NAV3: variants seen among roughly 807,000 people sequenced by gnomAD.
NAV3 encodes neuron navigator 3.
Under a neutral mutation model 244.7 loss-of-function variants are expected in NAV3, and 87 were observed. That is an observed-to-expected ratio of 0.36 (90% CI 0.30 to 0.42). The LOEUF (loss-of-function observed/expected upper bound fraction) is 0.42, where lower values mean the gene tolerates loss of function less well. Among genes scored for constraint, NAV3 ranks in the 20% least tolerant of loss-of-function variants. The pLI, the probability that NAV3 is intolerant of heterozygous loss-of-function variation, is 1.00. For synonymous variants in NAV3, 1,126 were observed against 1,042.2 expected, an observed-to-expected ratio of 1.08 and a Z score of -1.55; for missense variants, 2,663 against 2,893.3, an observed-to-expected ratio of 0.92 and a Z score of 1.83.
chr12:77,751,346 T>C (rs566283467), intron 2 of NAV3, among the ~76,000 whole-genome samples: 2 of 152,322 alleles, frequency 1.3e-5, no homozygotes, highest in East Asian at 3.9e-4. Flanking sequence ...TATCTACCTA[T>C]ACACATTGAT....
chr12:78,134,404 CT>C (rs1956289025), intron 18 of NAV3, among the ~76,000 whole-genome samples: 1 of 152,148 alleles, frequency 6.6e-6, no homozygotes, highest in South Asian at 2.1e-4. Context: ...GAAATTCTTT[CT>C]TTAAGAGATC....
rs191789366 is a variant in NAV3, at chr12:77,588,292, T to A, written c.72+16026T>A. On this transcript the variant is annotated intron_variant, in intron 2 of 8. Transcript: ENST00000550042. The stretch of plus-strand genomic sequence containing the variant: ...CCATATCCAGCTGATTTTTTTATTT[T>A]TTTTTTGGTAGAGAAAGGGTCCCAC... Among the ~76,000 whole-genome samples the A allele has an allele frequency of 3.7e-3, 558 of 151,930 alleles. 1 individual carries two copies. Among genetic ancestry groups the A allele is most frequent in the African/African-American group, 0.013 (537 of 41,456 alleles).
intron 24 of NAV3, among the ~76,000 whole-genome samples, chr12:78,169,537 C>T (rs1270460843): frequency 6.6e-6 from 1 of 151,600 alleles, no homozygotes; most frequent in African/African-American, 2.4e-5. Context: ...TACTCATTTC[C>T]TGACACTTTT....
chr12:77,966,231 T>G lies in NAV3; in HGVS notation c.417T>G (p.Ile139Met), dbSNP rs1269136844. 6.2e-7 allele frequency: 1 copy of G among 1,613,592 alleles called. No individual in the cohort carries two copies. The highest frequency in any genetic ancestry group is 2.2e-5 in the East Asian group (1 of 44,762). Reference protein sequence around the residue: ...NGCPRSQSQMIENVDVCLSFL... With the variant: ...NGCPRSQSQMMENVDVCLSFL... ...TTTCACTGCTTTTCATGTTGCAGAT[T>G]GAAAATGTTGATGTCTGCCTTAGTT... Residue 139 changes from isoleucine to methionine, a missense_variant and splice_region_variant, in exon 4 of 40, where the codon ATT (isoleucine) becomes ATG (methionine). By Grantham distance (10) the Ile-to-Met change is conservative (BLOSUM62 1). Coordinates refer to ENST00000397909, the MANE Select transcript of NAV3 (RefSeq NM_001024383.2).
intron 2 of NAV3, among the ~76,000 whole-genome samples, chr12:77,653,730 T>C (rs1374548288): frequency 6.6e-6 from 1 of 152,160 alleles, no homozygotes; most frequent in Middle Eastern, 3.2e-3. Flanking sequence ...TCTGGGTGAA[T>C]ACAACATAAT....
chr12:77,704,493 TAG>T lies in NAV3; in HGVS notation c.72+132229_72+132230del, dbSNP rs1875702664. Among the ~76,000 whole-genome samples, 10 of 152,340 alleles carry T rather than the reference TAG, an allele frequency of 6.6e-5. 1 individual carries two copies. The South Asian group carries it at 2.1e-3, about 32-fold the overall frequency. ...AAAATAGTATTGTGTACGTATGGTC[TAG>T]AAATCTTATGACAATCCAGCAATTG... On this transcript the variant is annotated intron_variant, in intron 2 of 8. Transcript: ENST00000550042.
In NAV3 at chr12:78,168,794, C is replaced by T; in HGVS notation, c.4909C>T (p.Leu1637=). Residue 1637 remains leucine, a synonymous_variant, in exon 24 of 40, where the codon CTG becomes TTG. Transcript: ENST00000397909. ...LIELRETIEM[L]KAQNSAAQAA... ...AGAACTAAGAGAAACCATTGAAATG[C>T]TGAAGGCTCAGAATTCTGCTGCCCA... The T allele has an allele frequency of 6.2e-7, 1 of 1,610,596 alleles. No homozygotes were observed. The highest frequency in any genetic ancestry group is 1.1e-5 in the South Asian group (1 of 90,938).
At chr12:77,822,312 A>G (rs1872777938) in intron 2 of NAV3, among the ~76,000 whole-genome samples, 1 of 152,154 alleles carries the variant, frequency 6.6e-6, no homozygotes, top group Non-Finnish European at 1.5e-5. Context: ...CTGTCTTACT[A>G]TTTAATCCCT....
intron 18 of NAV3, among the ~76,000 whole-genome samples, chr12:78,136,161 A>T (rs1455262055): frequency 6.6e-6 from 1 of 152,222 alleles, no homozygotes; most frequent in Non-Finnish European, 1.5e-5. Context: ...TTTTGAAGTG[A>T]TGTCAGAACA....
chr12:78,188,524 AGCTCTATATCCCT>A, intron 32 of NAV3, 72 bp from the exon 33 acceptor site: 1 of 1,347,482 alleles, frequency 7.4e-7, no homozygotes, highest in African/African-American at 1.5e-5. Flanking sequence ...CTTGACAACT[AGCTCTATATCCCT>A]GTGAGTTATG....
At chr12:77,821,073 A>C (rs1410971351) in intron 2 of NAV3, among the ~76,000 whole-genome samples, 1 of 129,502 alleles carries the variant, frequency 7.7e-6, no homozygotes, top group Non-Finnish European at 1.7e-5. Context: ...ACACATGTAC[A>C]CACACACATG....
chr12:78,087,118 T>G (rs1953677216), intron 12 of NAV3, among the ~76,000 whole-genome samples: 1 of 151,972 alleles, frequency 6.6e-6, no homozygotes, highest in African/African-American at 2.4e-5. Flanking sequence ...AATCCAGACT[T>G]CCATATGAGA....
At chr12:77,976,666 C>CTTTTTTTTT (rs1295751885) in intron 5 of NAV3, among the ~76,000 whole-genome samples, 6 of 58,048 alleles carry the variant, frequency 1.0e-4, no homozygotes, top group African/African-American at 3.9e-4. Flanking sequence ...TTCTTTCTTT[C>CTTTTTTTTT]TTTTTTTCTT....
At chr12:77,758,929 T>C (rs1355963133) in intron 2 of NAV3, among the ~76,000 whole-genome samples, 1 of 152,228 alleles carries the variant, frequency 6.6e-6, no homozygotes, top group Non-Finnish European at 1.5e-5. Flanking sequence ...ATCATTTCAA[T>C]ATGTTCTTAA....
At chr12:77,926,778 T>A (rs1888265528) in intron 1 of NAV3, among the ~76,000 whole-genome samples, 1 of 152,154 alleles carries the variant, frequency 6.6e-6, no homozygotes, top group South Asian at 2.1e-4. Context: ...TCCTAGATGA[T>A]TCTGATGCAT....
chr12:77,580,219 A>AAAACACACACACACACACAC (rs540863736), intron 2 of NAV3, among the ~76,000 whole-genome samples: 2 of 145,394 alleles, frequency 1.4e-5, no homozygotes, highest in Admixed American at 1.4e-4. Flanking sequence ...GTAGGGTGGG[A>AAAACACACACACACACACAC]ACACACACAC....
At chr12:77,981,315 T>C (rs1463918118) in intron 5 of NAV3, among the ~76,000 whole-genome samples, 1 of 152,142 alleles carries the variant, frequency 6.6e-6, no homozygotes, top group Non-Finnish European at 1.5e-5. Flanking sequence ...CTCTCTTTCT[T>C]AGTGCTAATA....
chr12:77,886,934 A>T (rs1021742346), intron 1 of NAV3, among the ~76,000 whole-genome samples: 2 of 152,132 alleles, frequency 1.3e-5, no homozygotes, highest in Non-Finnish European at 2.9e-5. Flanking sequence ...TCCAAGCTAT[A>T]TGGGAATGGA....
intron 1 of NAV3, among the ~76,000 whole-genome samples, chr12:77,928,282 G>C (rs1302445076): frequency 6.8e-6 from 1 of 146,530 alleles, no homozygotes; most frequent in Non-Finnish European, 1.5e-5. Context: ...AGTTTCCAAA[G>C]TATTCAGTAC....
Sources: allele counts gnomAD v4.1 joint callset (sites outside exome capture counted in the v4.1 genomes callset), GRCh38; gene constraint gnomAD v4.1.1; transcripts MANE v1.5; gene names NCBI Gene and HGNC (gene_info 2026-07-23, HGNC 2026-07-21).